The following CNTNAP2 variants were observed in gnomAD, a reference collection of about 807,000 sequenced individuals.
CNTNAP2 encodes contactin associated protein 2, also known as contactin-associated protein-like 2.
A neutral mutation model predicts 155.2 loss-of-function variants in CNTNAP2; 98 were observed. The observed-to-expected ratio is 0.63, with a 90% CI of 0.54 to 0.75. The LOEUF (loss-of-function observed/expected upper bound fraction) is 0.75, where lower values mean the gene tolerates loss of function less well. CNTNAP2 is among the 30% of genes least tolerant of loss of function. The pLI is 0.00. For synonymous variants in CNTNAP2, 651 were observed against 631.2 expected, an observed-to-expected ratio of 1.03 and a Z score of -0.47; for missense variants, 1,727 against 1,688.1, an observed-to-expected ratio of 1.02 and a Z score of -0.40.
chr7:146,259,509 C>T lies in CNTNAP2; in HGVS notation c.97+142536C>T, dbSNP rs753086107. 9.2e-5 allele frequency among the ~76,000 whole-genome samples: 14 copies of T among 152,182 alleles called. No homozygotes were observed. In the Middle Eastern group the frequency reaches 0.01, roughly 111 times the overall value. On this transcript the variant is annotated intron_variant, in intron 1 of 23. Coordinates refer to ENST00000361727, the MANE Select transcript of CNTNAP2 (RefSeq NM_014141.6). ...AGTCACAGATGCAGATGAGGAACTT[C>T]GTGAGAACTGGAGTAAAGGTCACTT...
chr7:147,147,662 A>T (rs1355637322), intron 8 of CNTNAP2, among the ~76,000 whole-genome samples: 2 of 151,956 alleles, frequency 1.3e-5, no homozygotes, highest in African/African-American at 4.8e-5. Flanking sequence ...CCTCCTCATC[A>T]TGTGTTCCTC....
intron 1 of CNTNAP2, among the ~76,000 whole-genome samples, chr7:146,166,787 C>A (rs1798318436): frequency 6.6e-6 from 1 of 152,158 alleles, no homozygotes; most frequent in African/African-American, 2.4e-5. Flanking sequence ...TGGAGCAAAT[C>A]TTTCTGTAGA....
At chr7:146,936,840 A>C (rs755869490) in intron 3 of CNTNAP2, among the ~76,000 whole-genome samples, 1 of 152,138 alleles carries the variant, frequency 6.6e-6, no homozygotes, top group Non-Finnish European at 1.5e-5. Context: ...TTTTATGTCT[A>C]TAGATCTTCT....
intron 11 of CNTNAP2, among the ~76,000 whole-genome samples, chr7:147,554,675 A>T (rs1354627891): frequency 6.6e-6 from 1 of 152,174 alleles, no homozygotes; most frequent in Non-Finnish European, 1.5e-5. Context: ...AATGAATAAC[A>T]TCTCATACAG....
chr7:147,533,561 C>A (rs1416673911), intron 11 of CNTNAP2, among the ~76,000 whole-genome samples: 1 of 151,034 alleles, frequency 6.6e-6, no homozygotes, highest in East Asian at 1.9e-4. Flanking sequence ...ATGCAGGTAA[C>A]ATTTTTAAGC....
chr7:147,540,515 A>G (rs1562987711), intron 11 of CNTNAP2, among the ~76,000 whole-genome samples: 1 of 152,248 alleles, frequency 6.6e-6, no homozygotes, highest in Non-Finnish European at 1.5e-5. Context: ...GGATACAAGA[A>G]GAGCAATTAG....
intron 20 of CNTNAP2, among the ~76,000 whole-genome samples, chr7:148,257,561 G>T (rs545611396): frequency 7.9e-5 from 12 of 152,170 alleles, no homozygotes; most frequent in African/African-American, 2.7e-4. Context: ...CTGTTCTTGG[G>T]ATTGGAGGGA....
chr7:146,616,809 C>T (rs546508131), intron 1 of CNTNAP2, among the ~76,000 whole-genome samples: 9 of 151,158 alleles, frequency 6.0e-5, no homozygotes, highest in Non-Finnish European at 1.0e-4. Flanking sequence ...ATCGGGTTTG[C>T]TCAATCTCAC....
chr7:146,648,285 G>C (rs746909772), intron 1 of CNTNAP2, among the ~76,000 whole-genome samples: 1 of 152,086 alleles, frequency 6.6e-6, no homozygotes, highest in Non-Finnish European at 1.5e-5. Context: ...CAAGCATATA[G>C]GGGGTGAGAA....
chr7:146,225,247 T>C (rs1343521703), intron 1 of CNTNAP2, among the ~76,000 whole-genome samples: 1 of 152,120 alleles, frequency 6.6e-6, no homozygotes, highest in African/African-American at 2.4e-5. Context: ...TGAAAGTGAA[T>C]TCATCCAATA....
At chr7:147,430,323 T>C (rs546725679) in intron 10 of CNTNAP2, among the ~76,000 whole-genome samples, 54 of 152,302 alleles carry the variant, frequency 3.5e-4, no homozygotes, top group African/African-American at 1.3e-3. Flanking sequence ...TTAATTGGCT[T>C]GATTACAAAA....
chr7:146,707,679 T>G (rs1360116279), intron 1 of CNTNAP2, among the ~76,000 whole-genome samples: 1 of 152,164 alleles, frequency 6.6e-6, no homozygotes, highest in Non-Finnish European at 1.5e-5. Flanking sequence ...TGGTCAAGCT[T>G]TCCTCTGTCT....
At chr7:148,394,458 GT>G (rs886436242) in intron 22 of CNTNAP2, among the ~76,000 whole-genome samples, 3 of 151,756 alleles carry the variant, frequency 2.0e-5, no homozygotes, top group East Asian at 1.9e-4. Context: ...TTTTTTCTGA[GT>G]TTTTTTTCCC....
chr7:147,409,723 A>G (rs1797070520), intron 10 of CNTNAP2, among the ~76,000 whole-genome samples: 1 of 152,170 alleles, frequency 6.6e-6, no homozygotes, highest in Non-Finnish European at 1.5e-5. Context: ...CAATCCCACT[A>G]AAAAGTGGGC....
intron 13 of CNTNAP2, among the ~76,000 whole-genome samples, chr7:147,801,281 G>T (rs1336317448): frequency 2.8e-5 from 4 of 145,280 alleles, no homozygotes; most frequent in Non-Finnish European, 6.0e-5. Context: ...TGTTAAATAG[G>T]TATGTAGTCT....
intron 21 of CNTNAP2, among the ~76,000 whole-genome samples, chr7:148,309,278 C>T (rs1797548314): frequency 6.6e-6 from 1 of 152,212 alleles, no homozygotes; most frequent in Non-Finnish European, 1.5e-5. Context: ...TAGTTCACAT[C>T]CAGCCCCCTA....
chr7:146,362,500 C>G (rs1278056344), intron 1 of CNTNAP2, among the ~76,000 whole-genome samples: 1 of 152,048 alleles, frequency 6.6e-6, no homozygotes, highest in African/African-American at 2.4e-5. Flanking sequence ...AGAGTGGGGT[C>G]AAGTGATTAA....
At position 146,309,860 on chromosome 7, in the gene CNTNAP2, AGAAG is replaced by A. The variant is rs1279480417; in HGVS notation, c.97+192897_97+192900del. Among the ~76,000 whole-genome samples the A allele has an allele frequency of 1.7e-4, 24 of 143,762 alleles. No individual in the cohort carries two copies. The East Asian group carries it at 4.0e-3, about 24-fold the overall frequency. 94.3% of individuals were successfully genotyped at this position (143,762 alleles called of 152,430 possible). A position where few individuals can be genotyped will look rare whatever the true frequency, so the allele number is the denominator to read the frequency against. ...AGGAAGGAAGGAAGGAAGGAAAGAA[AGAAG>A]GAAGGAAGGGAAAGAGGAAATAGAA... On this transcript the variant is annotated intron_variant, in intron 1 of 23. Coordinates refer to ENST00000361727, the MANE Select transcript of CNTNAP2 (RefSeq NM_014141.6).
intron 13 of CNTNAP2, among the ~76,000 whole-genome samples, chr7:147,775,397 ATATATT>A (rs1454101634): frequency 4.5e-5 from 5 of 111,622 alleles, no homozygotes; most frequent in Non-Finnish European, 8.6e-5. Context: ...TTATAAATAT[ATATATT>A]TATATATATA....
Sources: allele counts gnomAD v4.1 joint callset (sites outside exome capture counted in the v4.1 genomes callset), GRCh38; gene constraint gnomAD v4.1.1; transcripts MANE v1.5; gene names NCBI Gene and HGNC (gene_info 2026-07-23, HGNC 2026-07-21).